Variants in KIF26B observed in about 807,000 individuals in gnomAD.
KIF26B encodes kinesin-like protein KIF26B.
Under a neutral mutation model 151.2 loss-of-function variants are expected in KIF26B, and 63 were observed. The observed-to-expected ratio is 0.42, with a 90% CI of 0.34 to 0.51. The LOEUF (loss-of-function observed/expected upper bound fraction) is 0.51, where lower values mean the gene tolerates loss of function less well. KIF26B is among the 20% of genes least tolerant of loss of function. The probability of loss-of-function intolerance (pLI) is 0.07; values close to 1 mark genes in which losing one functional copy is unlikely to be tolerated. For synonymous variants in KIF26B, 1,357 were observed against 1,262.1 expected (o/e 1.08, Z -1.59); for missense variants, 2,813 against 2,913.6 (o/e 0.97, Z 0.79).
intron 8 of KIF26B, among the ~76,000 whole-genome samples, chr1:245,610,933 A>G (rs1223656621): frequency 6.6e-6 from 1 of 152,200 alleles, no homozygotes; most frequent in African/African-American, 2.4e-5. Context: ...ACCAACCTTA[A>G]GACATGTACT....
intron 10 of KIF26B, among the ~76,000 whole-genome samples, chr1:245,666,644 T>C (rs1449792234): frequency 6.6e-6 from 1 of 152,140 alleles, no homozygotes; most frequent in Non-Finnish European, 1.5e-5. Context: ...GGCTAACACA[T>C]AGGCGGCTGC....
intron 10 of KIF26B, among the ~76,000 whole-genome samples, chr1:245,672,323 GT>G (rs1558262388): frequency 6.6e-6 from 1 of 152,170 alleles, no homozygotes; most frequent in Non-Finnish European, 1.5e-5. Context: ...TGAGAATCCT[GT>G]TTTAAGCTTC....
chr1:245,684,405 T>C lies in KIF26B; in HGVS notation c.2421+10T>C. On this transcript the variant is annotated intron_variant, in intron 11 of 14. Transcript: ENST00000407071. ...GAAAAAGAAGACGAAGGTAAGGAGC[T>C]CGCGGGGTGGGGGGGTGGTGGATGA... 1 of 1,381,128 alleles carries C rather than the reference T, an allele frequency of 7.2e-7. No homozygotes were observed. Among genetic ancestry groups the C allele is most frequent in the Non-Finnish European group, 1.0e-6 (1 of 994,088 alleles). The allele number at this position is 1,381,128 out of a possible 1,614,324, so 85.6% of individuals were successfully genotyped here. A position where few individuals can be genotyped will look rare whatever the true frequency, so the allele number is the denominator to read the frequency against.
intron 4 of KIF26B, among the ~76,000 whole-genome samples, chr1:245,528,734 CT>C (rs1661296719): frequency 6.6e-6 from 1 of 152,196 alleles, no homozygotes; most frequent in Non-Finnish European, 1.5e-5. Context: ...TTCCAGTGTC[CT>C]TAAAAATGTG....
At position 245,676,033 on chromosome 1, in the gene KIF26B, C is replaced by G. The variant is rs187133868; in HGVS notation, c.2259-8200C>G. ...CAAGCAGAAAGCAGATCACCTGTTA[C>G]CATGGCAGTGCTTTTATTAGGAAAT... On this transcript the variant is annotated intron_variant, in intron 10 of 14. Coordinates refer to ENST00000407071, the MANE Select transcript of KIF26B (RefSeq NM_018012.4). Among the ~76,000 whole-genome samples, 318 of 152,238 alleles carry G rather than the reference C, an allele frequency of 2.1e-3. 1 individual carries two copies. Among genetic ancestry groups the G allele is most frequent in the Middle Eastern group, 0.014 (4 of 294 alleles).
At chr1:245,331,211 C>T (rs779893473) in intron 2 of KIF26B, among the ~76,000 whole-genome samples, 21 of 152,022 alleles carry the variant, frequency 1.4e-4, no homozygotes, top group African/African-American at 2.4e-4. Context: ...ACATGGATCG[C>T]GCTCTTGCCG....
At chr1:245,381,871 CAA>C (rs1673419356) in intron 3 of KIF26B, among the ~76,000 whole-genome samples, 2 of 152,160 alleles carry the variant, frequency 1.3e-5, no homozygotes, top group Non-Finnish European at 2.9e-5. Flanking sequence ...ATAATGTCCT[CAA>C]GTTTCATCCG....
chr1:245,427,594 G>A (rs1222255053), intron 4 of KIF26B, among the ~76,000 whole-genome samples: 4 of 152,172 alleles, frequency 2.6e-5, no homozygotes, highest in African/African-American at 9.7e-5. Flanking sequence ...GACAGCAAGG[G>A]TGAGACTCTG....
intron 2 of KIF26B, among the ~76,000 whole-genome samples, chr1:245,231,958 T>C (rs773186299): frequency 2.8e-4 from 43 of 152,174 alleles, no homozygotes; most frequent in Non-Finnish European, 1.5e-5. Flanking sequence ...TCCTAACAAC[T>C]CCTTCCTAAA....
chr1:245,242,942 G>A (rs551195311), intron 2 of KIF26B, among the ~76,000 whole-genome samples: 68 of 152,272 alleles, frequency 4.5e-4, no homozygotes, highest in African/African-American at 9.9e-4. Flanking sequence ...GAGCCACCGC[G>A]CCCAGCCATA....
At chr1:245,340,286 A>G (rs1444821093) in intron 2 of KIF26B, among the ~76,000 whole-genome samples, 4 of 152,210 alleles carry the variant, frequency 2.6e-5, no homozygotes, top group Non-Finnish European at 5.9e-5. Flanking sequence ...TAGATTACCT[A>G]TAATACCTAA....
chr1:245,463,402 G>A (rs1254089195), intron 4 of KIF26B, among the ~76,000 whole-genome samples: 2 of 152,156 alleles, frequency 1.3e-5, no homozygotes, highest in African/African-American at 4.8e-5. Context: ...CCTCCCATGG[G>A]AACCTCCCAT....
intron 4 of KIF26B, among the ~76,000 whole-genome samples, chr1:245,527,672 T>C (rs1661270274): frequency 6.6e-6 from 1 of 151,262 alleles, no homozygotes; most frequent in Admixed American, 6.6e-5. Flanking sequence ...TAGCTGGGAC[T>C]ACAGGCGCCT....
intron 2 of KIF26B, among the ~76,000 whole-genome samples, chr1:245,310,101 A>G (rs2102981930): frequency 6.7e-6 from 1 of 148,246 alleles, no homozygotes; most frequent in Non-Finnish European, 1.5e-5. Flanking sequence ...AAATCAATAA[A>G]TATATATCTC....
intron 2 of KIF26B, among the ~76,000 whole-genome samples, chr1:245,331,805 A>T (rs566927948): frequency 1.4e-4 from 21 of 152,320 alleles, no homozygotes; most frequent in Admixed American, 7.2e-4. Context: ...AGGGATTTTT[A>T]AAAAGTGAGA....
rs138883458 is a variant in KIF26B, at chr1:245,547,045, A to C, written c.1350+6095A>C. On this transcript the variant is annotated intron_variant, in intron 5 of 14. Transcript: ENST00000407071. ...ATGTAGATTTCGCCAGCCTCTGGAC[A>C]GCACATGCGCAGTATGCTGCTAGCG... 1.9e-3 allele frequency among the ~76,000 whole-genome samples: 296 copies of C among 152,302 alleles called. 1 individual carries two copies. The highest frequency in any genetic ancestry group is 7.0e-3 in the African/African-American group (290 of 41,570).
intron 4 of KIF26B, among the ~76,000 whole-genome samples, chr1:245,504,802 T>C (rs7549463): frequency 0.98 from 148,913 of 152,218 alleles, 72,943 homozygotes; most frequent in East Asian, 1. Context: ...GAGGTGGCTC[T>C]GTCTCCTCGT....
chr1:245,649,506 TTTG>T (rs2043991151), intron 10 of KIF26B, among the ~76,000 whole-genome samples: 1 of 152,192 alleles, frequency 6.6e-6, no homozygotes, highest in Non-Finnish European at 1.5e-5. Context: ...TATGCAGCAT[TTTG>T]TTAGCATACT....
In KIF26B at chr1:245,235,574, C is replaced by T. The variant is rs1670090191; in HGVS notation, c.465+78891C>T. ...CGCCACTGCACTCGAGCTTGGGTGA[C>T]AGAGACTCTGGAAACAAAGAAAAGA... On this transcript the variant is annotated intron_variant, in intron 2 of 14. Transcript: ENST00000407071. Among the ~76,000 whole-genome samples the T allele has an allele frequency of 1.3e-5, 2 of 151,232 alleles. 1 individual carries two copies. The highest frequency in any genetic ancestry group is 1.3e-4 in the Admixed American group (2 of 15,152).
Sources: gnomAD v4.1 joint callset for allele counts (sites outside exome capture counted in the v4.1 genomes callset) on GRCh38, gnomAD v4.1.1 for gene constraint, MANE v1.5 for transcripts, NCBI Gene and HGNC (gene_info 2026-07-23, HGNC 2026-07-21) for gene names.